ITIH5: variants seen among roughly 807,000 people sequenced by gnomAD.
ITIH5 encodes inter-alpha-trypsin inhibitor heavy chain H5.
Under a neutral mutation model 77.5 loss-of-function variants are expected in ITIH5, and 65 were observed. The ratio of observed to expected loss-of-function variants is 0.84; its 90% confidence interval spans 0.69 to 1.03. ITIH5 has a LOEUF of 1.03. Ranked by LOEUF, ITIH5 falls within the 50% of genes least tolerant of loss-of-function variation. ITIH5 has a pLI of 0.00. For synonymous variants in ITIH5, 525 were observed against 494.3 expected (o/e 1.06, Z -0.82); for missense variants, 1,208 against 1,213.1 (o/e 1.00, Z 0.06).
chr10:7,576,442 G>C lies in ITIH5; in HGVS notation c.1978+11C>G, dbSNP rs1832415532. On this transcript the variant is annotated intron_variant, in intron 10 of 13. Transcript: ENST00000397146. ...CGTCCCCCACACCTGGCTGGCACAG[G>C]TGCCTCGTACCTGGCTGCGTGCCAG... 6.4e-7 allele frequency: 1 copy of C among 1,553,504 alleles called. No homozygotes were observed. Among genetic ancestry groups the C allele is most frequent in the African/African-American group, 1.4e-5 (1 of 73,780 alleles).
Position 7,562,885 on chromosome 10 carries a change from T to C in ITIH5, c.*198A>G, listed in dbSNP as rs12244206. On this transcript the variant is annotated 3_prime_UTR_variant, in exon 14 of 14. Transcript: ENST00000397146. ...GAAGAGGCAGTAGAGGGAAATGACA[T>C]TTGCACTCAGGCTTCCCGCCCCTAC... 3.7e-3 allele frequency: 2,312 copies of C among 631,860 alleles called. 58 individuals are homozygous for C. In the African/African-American group the frequency reaches 0.039, roughly 11 times the overall value. 39.1% of individuals were successfully genotyped at this position (631,860 alleles called of 1,614,324 possible).
Position 7,586,044 on chromosome 10 carries a change from A to T in ITIH5, c.965T>A (p.Leu322His), listed in dbSNP as rs1025565050. ...ACGGTCCTGGGGTCGGAGGTCATGGAGAATTGTGAAGAGGGCATCCTTGGT... is the reference window on the plus strand; with the variant it reads ...ACGGTCCTGGGGTCGGAGGTCATGGTGAATTGTGAAGAGGGCATCCTTGGT... Reference protein sequence around the residue: ...RQTKDALFTILHDLRPQDRFS... With the variant: ...RQTKDALFTIHHDLRPQDRFS... The change falls in exon 8 of 14, where the codon CTC (leucine) becomes CAC (histidine). Residue 322 changes from leucine (L) to histidine (H), a missense_variant. Coordinates refer to ENST00000397146, the MANE Select transcript of ITIH5 (RefSeq NM_030569.7). 1 of 1,613,570 alleles carries T rather than the reference A, an allele frequency of 6.2e-7. No individual in the cohort carries two copies. Among genetic ancestry groups the T allele is most frequent in the Non-Finnish European group, 8.5e-7 (1 of 1,179,864 alleles).
At chr10:7,624,796 A>ATAT (rs201943945) in intron 5 of ITIH5, among the ~76,000 whole-genome samples, 5 of 61,156 alleles carry the variant, frequency 8.2e-5, no homozygotes, top group Non-Finnish European at 1.1e-4. Context: ...AAAAAAAAAA[A>ATAT]AAATATATAT....
intron 4 of ITIH5, among the ~76,000 whole-genome samples, chr10:7,639,927 A>G (rs1178074283): frequency 2.0e-5 from 3 of 152,066 alleles, no homozygotes; most frequent in Non-Finnish European, 1.5e-5. Context: ...ATCATTTAAG[A>G]TAGTAGGGAT....
At chr10:7,582,279 C>G (rs11815681) in intron 8 of ITIH5, among the ~76,000 whole-genome samples, 410 of 152,160 alleles carry the variant, frequency 2.7e-3, no homozygotes, top group African/African-American at 8.4e-3. Flanking sequence ...TTGATAGGAG[C>G]TGAACAAGTA....
At chr10:7,590,983 G>A (rs11255219) in intron 7 of ITIH5, among the ~76,000 whole-genome samples, 38,273 of 152,012 alleles carry the variant, frequency 0.25, 5,356 homozygotes, top group Admixed American at 0.31. Context: ...TGCAACCTCC[G>A]CCTCCCGGGT....
chr10:7,641,844 C>A, intron 3 of ITIH5, 83 bp downstream of exon 3: 1 of 1,135,904 alleles, frequency 8.8e-7, no homozygotes, highest in South Asian at 1.4e-5. Flanking sequence ...TCCTCACAGT[C>A]ACAAGGCTGT....
rs1159248266 is a variant in ITIH5 at position 7,637,321 on chromosome 10, C to T, written c.559G>A (p.Val187Met). 6.2e-7 allele frequency: 1 copy of T among 1,614,016 alleles called. No homozygotes were observed. The highest frequency in any genetic ancestry group is 1.1e-5 in the South Asian group (1 of 91,082). ...RPQQLSGRLSVDVNILESAGI... is the reference protein window; with the variant it reads ...RPQQLSGRLSMDVNILESAGI... Reference sequence around the variant, plus strand: ...GCGCTCTCCAGGATATTCACGTCCACGCTCAGCCTCCCGGACAGCTGCTGG... The same window carrying T: ...GCGCTCTCCAGGATATTCACGTCCATGCTCAGCCTCCCGGACAGCTGCTGG... Residue 187 changes from valine (V) to methionine (M), a missense_variant, in exon 5 of 14, where the codon GTG becomes ATG. Physicochemically the swap from Val to Met is conservative, Grantham distance 21. Coordinates refer to ENST00000397146, the MANE Select transcript of ITIH5 (RefSeq NM_030569.7).
intron 1 of ITIH5, among the ~76,000 whole-genome samples, chr10:7,656,239 T>C (rs1353631887): frequency 6.6e-6 from 1 of 152,206 alleles, no homozygotes; most frequent in Admixed American, 6.5e-5. Context: ...TTTTTAGACA[T>C]GGCCTCGCTG....
chr10:7,568,485 G>T (rs1832231608), intron 12 of ITIH5, among the ~76,000 whole-genome samples: 1 of 152,194 alleles, frequency 6.6e-6, no homozygotes, highest in South Asian at 2.1e-4. Context: ...GACATATACA[G>T]TTAGGCCCCT....
chr10:7,645,790 G>T (rs1199242314), intron 2 of ITIH5, among the ~76,000 whole-genome samples: 1 of 152,138 alleles, frequency 6.6e-6, no homozygotes, highest in African/African-American at 2.4e-5. Flanking sequence ...CCAACATGTA[G>T]CTTCACCAAA....
At chr10:7,579,550 T>G (rs1245707858) in intron 9 of ITIH5, among the ~76,000 whole-genome samples, 1 of 151,382 alleles carries the variant, frequency 6.6e-6, no homozygotes, top group Non-Finnish European at 1.5e-5. Context: ...AAATCTTGCC[T>G]AAAGTCATAA....
intron 1 of ITIH5, among the ~76,000 whole-genome samples, chr10:7,658,803 G>T (rs528064164): frequency 1.3e-5 from 2 of 152,062 alleles, no homozygotes; most frequent in Non-Finnish European, 1.5e-5. Flanking sequence ...TGCAGATGAA[G>T]CCCCCAGGTA....
intron 7 of ITIH5, among the ~76,000 whole-genome samples, chr10:7,587,953 T>G (rs539822424): frequency 1.3e-5 from 2 of 152,282 alleles, no homozygotes; most frequent in South Asian, 4.1e-4. Flanking sequence ...CCCTCTGGAA[T>G]TTTCTCTCTT....
intron 2 of ITIH5, among the ~76,000 whole-genome samples, chr10:7,642,438 A>G (rs1833905540): frequency 6.6e-6 from 1 of 152,220 alleles, no homozygotes. Flanking sequence ...TGCTGTATAT[A>G]ATACTCTTCT....
At chr10:7,625,534 G>A (rs1447933625) in intron 5 of ITIH5, among the ~76,000 whole-genome samples, 1 of 152,190 alleles carries the variant, frequency 6.6e-6, no homozygotes, top group Non-Finnish European at 1.5e-5. Flanking sequence ...GGAGGCCAAG[G>A]CAGGTAGATC....
intron 13 of ITIH5, among the ~76,000 whole-genome samples, chr10:7,564,658 T>TGACCAAATCACCTAAC (rs1832103586): frequency 6.6e-6 from 1 of 151,916 alleles, no homozygotes; most frequent in African/African-American, 2.4e-5. Flanking sequence ...GGTCACGTAA[T>TGACCAAATCACCTAAC]GACCAAATCA....
intron 5 of ITIH5, among the ~76,000 whole-genome samples, chr10:7,630,528 G>T (rs573616758): frequency 6.6e-5 from 10 of 152,304 alleles, no homozygotes; most frequent in African/African-American, 2.4e-4. Context: ...CCATCCTAGG[G>T]TGTGAGAAGT....
intron 2 of ITIH5, among the ~76,000 whole-genome samples, chr10:7,644,588 T>C (rs1266558758): frequency 7.2e-6 from 1 of 139,188 alleles, no homozygotes; most frequent in Non-Finnish European, 1.5e-5. Flanking sequence ...ATATATCACA[T>C]ATATATCATA....
Sources: gnomAD v4.1 joint callset for allele counts (sites outside exome capture counted in the v4.1 genomes callset) on GRCh38, gnomAD v4.1.1 for gene constraint, MANE v1.5 for transcripts, NCBI Gene and HGNC (gene_info 2026-07-23, HGNC 2026-07-21) for gene names.